Variants in SEMA3C observed in about 807,000 individuals in gnomAD.
SEMA3C encodes the protein semaphorin 3C.
Under a neutral mutation model 89.4 loss-of-function variants are expected in SEMA3C, and 47 were observed. The ratio of observed to expected loss-of-function variants is 0.53; its 90% CI spans 0.42 to 0.67. The LOEUF is 0.67. Among genes scored for constraint, SEMA3C ranks in the 30% least tolerant of loss-of-function variants. The probability of loss-of-function intolerance (pLI) is 0.00; values close to 1 mark genes in which losing one functional copy is unlikely to be tolerated. For synonymous variants in SEMA3C, 310 were observed against 320.2 expected, an observed-to-expected ratio of 0.97 and a Z score of 0.34; for missense variants, 839 against 929.1, an observed-to-expected ratio of 0.90 and a Z score of 1.26.
intron 2 of SEMA3C, among the ~76,000 whole-genome samples, chr7:80,840,279 G>A (rs1402763917): frequency 1.3e-5 from 2 of 151,956 alleles, no homozygotes; most frequent in African/African-American, 4.8e-5. Flanking sequence ...GAACATTATG[G>A]GAGGCAATAG....
At chr7:80,860,233 G>A (rs762830453) in intron 2 of SEMA3C, among the ~76,000 whole-genome samples, 1 of 151,992 alleles carries the variant, frequency 6.6e-6, no homozygotes, top group Non-Finnish European at 1.5e-5. Context: ...AGTAAACTAT[G>A]ACCATGGTTT....
At chr7:80,765,871 T>G (rs1788289994) in intron 12 of SEMA3C, among the ~76,000 whole-genome samples, 1 of 152,152 alleles carries the variant, frequency 6.6e-6, no homozygotes, top group South Asian at 2.1e-4. Flanking sequence ...TGAGCCAATG[T>G]AACCAGCCAA....
intron 2 of SEMA3C, among the ~76,000 whole-genome samples, chr7:80,910,939 G>A (rs548307802): frequency 6.6e-6 from 1 of 151,946 alleles, no homozygotes; most frequent in African/African-American, 2.4e-5. Flanking sequence ...GAAATGAGGA[G>A]AGTGTATAAT....
At chr7:80,890,355 T>C (rs1265490940) in intron 2 of SEMA3C, among the ~76,000 whole-genome samples, 1 of 152,118 alleles carries the variant, frequency 6.6e-6, no homozygotes, top group East Asian at 1.9e-4. Context: ...CTTTTCAACA[T>C]AGGCCTTAAA....
At chr7:80,902,342 T>C (rs868660085) in intron 2 of SEMA3C, among the ~76,000 whole-genome samples, 2 of 152,206 alleles carry the variant, frequency 1.3e-5, no homozygotes, top group Non-Finnish European at 2.9e-5. Context: ...ACTCAATTTG[T>C]GTTCTGTTTA....
intron 16 of SEMA3C, among the ~76,000 whole-genome samples, chr7:80,750,473 T>TATATATATATACACAC (rs869227686): frequency 1.1e-4 from 6 of 55,454 alleles, no homozygotes; most frequent in East Asian, 4.7e-4. Flanking sequence ...TATATATATA[T>TATATATATATACACAC]ACACACACAC....
At chr7:80,771,814 T>C (rs1361611104) in intron 12 of SEMA3C, among the ~76,000 whole-genome samples, 2 of 152,124 alleles carry the variant, frequency 1.3e-5, no homozygotes, top group Admixed American at 6.5e-5. Flanking sequence ...TGCTAACCTA[T>C]AAATGTATTC....
rs1787807210 is a variant in SEMA3C, at chr7:80,746,709, T to C, written c.1843-1402A>G. 1.4e-4 allele frequency among the ~76,000 whole-genome samples: 5 copies of C among 35,178 alleles called. No homozygotes were observed. The Admixed American group carries it at 1.7e-3, about 12-fold the overall frequency. 23.1% of individuals were successfully genotyped at this position (35,178 alleles called of 152,430 possible). A position where few individuals can be genotyped will look rare whatever the true frequency, so the allele number is the denominator to read the frequency against. On this transcript the variant is annotated intron_variant, in intron 17 of 17. Coordinates refer to ENST00000265361, the MANE Select transcript of SEMA3C (RefSeq NM_006379.5). ...TGAGCTGGAATCACATGTACTGATA[T>C]TGAAGTGGGGTGTGTGTGTGTGTGT...
chr7:80,758,894 G>A (rs373781181), intron 14 of SEMA3C, among the ~76,000 whole-genome samples: 2 of 152,202 alleles, frequency 1.3e-5, no homozygotes, highest in East Asian at 3.9e-4. Flanking sequence ...ATTTGAGAAA[G>A]TCTGGTTTAA....
At position 80,897,207 on chromosome 7, in the gene SEMA3C, C is replaced by T. The variant is rs141880473; in HGVS notation, c.103+19472G>A. Among the ~76,000 whole-genome samples the T allele has an allele frequency of 3.6e-4, 55 of 152,256 alleles. 1 individual carries two copies. The East Asian group carries it at 4.8e-3, about 13-fold the overall frequency. On this transcript the variant is annotated intron_variant, in intron 2 of 17. Coordinates refer to ENST00000265361, the MANE Select transcript of SEMA3C (RefSeq NM_006379.5). ...AGCTAGACAAAACTATTCATTTTTG[C>T]TGTCTGAGTTATGAGGCAGCATGTG...
chr7:80,865,071 G>A (rs1196532441), intron 2 of SEMA3C, among the ~76,000 whole-genome samples: 2 of 151,984 alleles, frequency 1.3e-5, no homozygotes, highest in East Asian at 3.9e-4. Flanking sequence ...TTAATCATTT[G>A]TGGCATTTAC....
chr7:80,856,211 T>C (rs527539239), intron 2 of SEMA3C, among the ~76,000 whole-genome samples: 48 of 152,244 alleles, frequency 3.2e-4, no homozygotes, highest in African/African-American at 1.1e-3. Flanking sequence ...AGGATAACAA[T>C]GGATTTGACA....
intron 2 of SEMA3C, among the ~76,000 whole-genome samples, chr7:80,908,701 ATTTTGTTCTCAC>A (rs1792071564): frequency 6.6e-6 from 1 of 152,094 alleles, no homozygotes; most frequent in Admixed American, 6.6e-5. Context: ...TCAACAACTC[ATTTTGTTCTCAC>A]TATCACCAGC....
intron 2 of SEMA3C, among the ~76,000 whole-genome samples, chr7:80,860,001 A>G (rs530479989): frequency 1.3e-5 from 2 of 152,226 alleles, no homozygotes; most frequent in Non-Finnish European, 2.9e-5. Context: ...CAATATTCTA[A>G]TTAATAATAG....
intron 2 of SEMA3C, among the ~76,000 whole-genome samples, chr7:80,830,625 G>A (rs778097455): frequency 3.3e-4 from 50 of 152,106 alleles, no homozygotes; most frequent in Non-Finnish European, 5.4e-4. Flanking sequence ...TAAAATGTAA[G>A]ATCATGACAG....
At chr7:80,884,358 T>A (rs1791422863) in intron 2 of SEMA3C, among the ~76,000 whole-genome samples, 1 of 152,204 alleles carries the variant, frequency 6.6e-6, no homozygotes, top group Admixed American at 6.5e-5. Context: ...CATAGAGGAC[T>A]TTTAACTACA....
At chr7:80,919,140 C>A (rs1003461257), upstream of SEMA3C, 1 of 984,592 alleles carries the variant, frequency 1.0e-6, no homozygotes. Flanking sequence ...CCCGGCGCGC[C>A]GCCCTGCAGG....
chr7:80,814,691 C>A (rs987795140), intron 5 of SEMA3C, among the ~76,000 whole-genome samples: 1 of 152,118 alleles, frequency 6.6e-6, no homozygotes, highest in Non-Finnish European at 1.5e-5. Context: ...ATGGTCTCTT[C>A]ATTCTCATCT....
chr7:80,749,526 T>C (rs549988460), intron 16 of SEMA3C, among the ~76,000 whole-genome samples: 4 of 152,272 alleles, frequency 2.6e-5, no homozygotes, highest in African/African-American at 9.6e-5. Context: ...TATTGTGGCC[T>C]TGGTGGAATG....
Sources: gnomAD v4.1 joint callset for allele counts (sites outside exome capture counted in the v4.1 genomes callset) on GRCh38, gnomAD v4.1.1 for gene constraint, MANE v1.5 for transcripts, NCBI Gene and HGNC (gene_info 2026-07-23, HGNC 2026-07-21) for gene names.